Variants in GRM3 observed in about 807,000 individuals in gnomAD.
The protein encoded by GRM3 is glutamate metabotropic receptor 3.
A neutral mutation model predicts 70.5 loss-of-function variants in GRM3; 26 were observed. That is an observed-to-expected ratio of 0.37 (90% CI 0.27 to 0.51). GRM3 has a LOEUF of 0.51. Ranked by LOEUF, GRM3 falls within the 20% of genes least tolerant of loss-of-function variation. GRM3 has a pLI of 0.93. For missense variants in GRM3, 859 were observed against 1,123.8 expected (o/e 0.76, Z 3.37); for synonymous variants, 443 against 434.9 (o/e 1.02, Z -0.23).
At chr7:86,752,389 C>A (rs1448632252) in intron 1 of GRM3, among the ~76,000 whole-genome samples, 1 of 151,960 alleles carries the variant, frequency 6.6e-6, no homozygotes, top group African/African-American at 2.4e-5. Context: ...GGAAAGCAAA[C>A]CTAGAAGCTG....
At chr7:86,768,418 G>A (rs1796657865) in intron 2 of GRM3, among the ~76,000 whole-genome samples, 1 of 152,178 alleles carries the variant, frequency 6.6e-6, no homozygotes, top group South Asian at 2.1e-4. Flanking sequence ...ACTGTGACAG[G>A]AGTTAGAGCA....
chr7:86,784,419 A>T (rs1168700252), intron 2 of GRM3: 1 of 152,164 alleles, frequency 6.6e-6, no homozygotes, highest in Non-Finnish European at 1.5e-5. Context: ...TATCAAGAAG[A>T]GATGGCCTCT....
intron 3 of GRM3, among the ~76,000 whole-genome samples, chr7:86,824,511 G>A (rs908882526): frequency 6.6e-5 from 10 of 152,144 alleles, no homozygotes; most frequent in Admixed American, 6.5e-4. Flanking sequence ...GTACTTGGAT[G>A]AGAATTTGTT....
intron 3 of GRM3, among the ~76,000 whole-genome samples, chr7:86,805,117 TA>T (rs1222588377): frequency 6.6e-6 from 1 of 151,746 alleles, no homozygotes; most frequent in East Asian, 1.9e-4. Flanking sequence ...TTATCTCCAA[TA>T]AAAATAGAAG....
At chr7:86,764,113 G>T (rs1286993646) in intron 1 of GRM3, among the ~76,000 whole-genome samples, 1 of 152,110 alleles carries the variant, frequency 6.6e-6, no homozygotes, top group Admixed American at 6.6e-5. Flanking sequence ...AGACTTTGAG[G>T]TGTCTGAAGG....
intron 2 of GRM3, chr7:86,784,429 T>C (rs1035298531): frequency 4.6e-5 from 7 of 152,284 alleles, no homozygotes; most frequent in Middle Eastern, 3.4e-3. Context: ...AGATGGCCTC[T>C]CCAGTGCTAG....
chr7:86,760,992 C>T (rs571426338), intron 1 of GRM3, among the ~76,000 whole-genome samples: 1 of 152,176 alleles, frequency 6.6e-6, no homozygotes, highest in East Asian at 1.9e-4. Context: ...TAACAATTAT[C>T]ATGTTGAAGG....
chr7:86,783,314 G>A (rs746405707), intron 2 of GRM3, among the ~76,000 whole-genome samples: 3 of 152,220 alleles, frequency 2.0e-5, no homozygotes, highest in African/African-American at 7.2e-5. Flanking sequence ...GTAGAAGGTA[G>A]AGAGGAAGCT....
At position 86,700,509 on chromosome 7, in the gene GRM3, T is replaced by C. The variant is rs549936398; in HGVS notation, c.-141+55637T>C. Among the ~76,000 whole-genome samples, 12 of 152,076 alleles carry C rather than the reference T, an allele frequency of 7.9e-5. No individual in the cohort carries two copies. The South Asian group carries it at 2.5e-3, about 32-fold the overall frequency. On this transcript the variant is annotated intron_variant, in intron 1 of 5. Coordinates refer to ENST00000361669, the MANE Select transcript of GRM3 (RefSeq NM_000840.3). ...CTAACCATGACTTTCATTTTTTCAC[T>C]GTAATTTGCACTGTATTTTAATTAA...
At chr7:86,857,953 ATTTTAT>A (rs1242014141) in intron 5 of GRM3, among the ~76,000 whole-genome samples, 20 of 147,230 alleles carry the variant, frequency 1.4e-4, no homozygotes, top group African/African-American at 5.3e-4. Flanking sequence ...ATTTTATTTT[ATTTTAT>A]TTTATTTTAT....
intron 1 of GRM3, among the ~76,000 whole-genome samples, chr7:86,678,113 A>C (rs890582567): frequency 1.3e-5 from 2 of 152,050 alleles, no homozygotes; most frequent in Non-Finnish European, 2.9e-5. Flanking sequence ...ACTTTAAAAA[A>C]TATACCTGCA....
intron 4 of GRM3, among the ~76,000 whole-genome samples, chr7:86,843,071 G>C (rs1207792110): frequency 6.6e-6 from 1 of 152,124 alleles, no homozygotes; most frequent in East Asian, 1.9e-4. Flanking sequence ...ATGTTTAAGG[G>C]CTTTGAGATC....
chr7:86,762,884 A>T (rs1390159187), intron 1 of GRM3, among the ~76,000 whole-genome samples: 1 of 152,162 alleles, frequency 6.6e-6, no homozygotes, highest in Non-Finnish European at 1.5e-5. Context: ...ATATATCTGC[A>T]GCTTAAGATC....
intron 4 of GRM3, among the ~76,000 whole-genome samples, chr7:86,847,207 G>A (rs1364918998): frequency 1.3e-5 from 2 of 152,160 alleles, no homozygotes; most frequent in Non-Finnish European, 2.9e-5. Flanking sequence ...TCCTTGAAAA[G>A]ACATTCTGGA....
At chr7:86,747,224 A>G (rs1380857230) in intron 1 of GRM3, among the ~76,000 whole-genome samples, 3 of 152,108 alleles carry the variant, frequency 2.0e-5, no homozygotes, top group Admixed American at 6.6e-5. Flanking sequence ...CAGTATACTC[A>G]ACAAAGCATG....
At chr7:86,829,986 T>C (rs1348077342) in intron 3 of GRM3, among the ~76,000 whole-genome samples, 2 of 152,228 alleles carry the variant, frequency 1.3e-5, no homozygotes, top group Admixed American at 6.5e-5. Context: ...TGCTTATATA[T>C]GTATATCCCA....
intron 3 of GRM3, among the ~76,000 whole-genome samples, chr7:86,805,717 A>G (rs890356756): frequency 6.6e-6 from 1 of 152,174 alleles, no homozygotes; most frequent in Non-Finnish European, 1.5e-5. Context: ...TCTTTCAATT[A>G]GCAATATGCA....
At chr7:86,855,992 G>C (rs752831874) in intron 5 of GRM3, among the ~76,000 whole-genome samples, 4 of 152,054 alleles carry the variant, frequency 2.6e-5, no homozygotes, top group Non-Finnish European at 5.9e-5. Flanking sequence ...CTGAATTGAT[G>C]GTCTTTCTTG....
intron 2 of GRM3, among the ~76,000 whole-genome samples, chr7:86,777,508 T>C (rs1026162776): frequency 2.0e-5 from 3 of 152,138 alleles, no homozygotes; most frequent in African/African-American, 4.8e-5. Context: ...TTGGGGCCCA[T>C]GGCATGTAAG....
Sources: allele counts gnomAD v4.1 joint callset (sites outside exome capture counted in the v4.1 genomes callset), GRCh38; gene constraint gnomAD v4.1.1; transcripts MANE v1.5; gene names NCBI Gene and HGNC (gene_info 2026-07-23, HGNC 2026-07-21).